The following MGAT5 variants were observed in gnomAD, a reference collection of about 807,000 sequenced individuals.
The protein encoded by MGAT5 is alpha-1,6-mannosylglycoprotein 6-beta-N-acetylglucosaminyltransferase, also known as alpha-1,6-mannosylglycoprotein 6-beta-N-acetylglucosaminyltransferase A.
Under a neutral mutation model 94.3 loss-of-function variants are expected in MGAT5, and 30 were observed. That is an observed-to-expected ratio of 0.32 (90% confidence interval 0.24 to 0.43). The LOEUF (loss-of-function observed/expected upper bound fraction) is 0.43. Ranked by LOEUF, MGAT5 falls within the 20% of genes least tolerant of loss-of-function variation. The probability of loss-of-function intolerance (pLI) is 1.00; values close to 1 mark genes in which losing one functional copy is unlikely to be tolerated. For missense variants in MGAT5, 691 were observed against 905.5 expected (o/e 0.76, Z 3.04); for synonymous variants, 310 against 322.9 (o/e 0.96, Z 0.43).
chr2:134,419,389 C>T (rs552883321), intron 12 of MGAT5, among the ~76,000 whole-genome samples: 8 of 149,340 alleles, frequency 5.4e-5, no homozygotes, highest in South Asian at 4.2e-4. Flanking sequence ...AGTAGGTTCT[C>T]GATCATTTTT....
chr2:134,424,415 T>C (rs1244424670), intron 13 of MGAT5, among the ~76,000 whole-genome samples: 1 of 152,184 alleles, frequency 6.6e-6, no homozygotes, highest in Non-Finnish European at 1.5e-5. Flanking sequence ...CAGCTTCCCA[T>C]TGATGATACA....
intron 1 of MGAT5, among the ~76,000 whole-genome samples, chr2:134,175,876 T>C (rs1252662674): frequency 6.6e-6 from 1 of 152,204 alleles, no homozygotes; most frequent in Non-Finnish European, 1.5e-5. Flanking sequence ...GTGGAGGTGC[T>C]TCCTCAGGTT....
intron 4 of MGAT5, among the ~76,000 whole-genome samples, chr2:134,323,848 A>G (rs1436608147): frequency 6.6e-6 from 1 of 152,138 alleles, no homozygotes; most frequent in Non-Finnish European, 1.5e-5. Context: ...CAAATGATTC[A>G]TTAGGCAGCC....
At chr2:134,378,206 T>C (rs1025715964) in intron 10 of MGAT5, among the ~76,000 whole-genome samples, 2 of 152,144 alleles carry the variant, frequency 1.3e-5, no homozygotes, top group Non-Finnish European at 2.9e-5. Flanking sequence ...TTATATCTGG[T>C]TCCCGGGAAA....
chr2:134,274,923 CATT>C (rs1023654286), intron 2 of MGAT5, among the ~76,000 whole-genome samples: 14 of 152,174 alleles, frequency 9.2e-5, no homozygotes, highest in African/African-American at 3.4e-4. Flanking sequence ...AAACAGCAAC[CATT>C]ATTATTATTC....
Position 134,403,001 on chromosome 2 carries a change from A to G in MGAT5, c.1394A>G (p.Tyr465Cys). Residue 465 changes from tyrosine to cysteine, a missense_variant, in exon 11 of 16, where the codon TAC (tyrosine) becomes TGC (cysteine). Tyr to Cys is a radical substitution (Grantham distance 194). Transcript: ENST00000281923. ...TTTCTTCTTTAGAATAAGAAGATCT[A>G]CTTGGACATTATTCACACATACATG... is the stretch of plus-strand genomic sequence containing the variant. ...VDSFWKNKKI[Y>C]LDIIHTYMEV... The G allele has an allele frequency of 6.3e-7, 1 of 1,595,826 alleles. No individual in the cohort carries two copies. Among genetic ancestry groups the G allele is most frequent in the Non-Finnish European group, 8.5e-7 (1 of 1,175,098 alleles).
intron 4 of MGAT5, among the ~76,000 whole-genome samples, chr2:134,333,308 ATCATT>A (rs1688101816): frequency 6.6e-6 from 1 of 151,686 alleles, no homozygotes; most frequent in African/African-American, 2.4e-5. Context: ...ATTGGAAATC[ATCATT>A]CTCAGTAAAC....
At chr2:134,395,769 A>G (rs1175422261) in intron 10 of MGAT5, among the ~76,000 whole-genome samples, 1 of 152,228 alleles carries the variant, frequency 6.6e-6, no homozygotes, top group Admixed American at 6.5e-5. Context: ...ACCAGAAACC[A>G]AAATTCTCAC....
At chr2:134,428,510 A>G in intron 14 of MGAT5, 71 bp downstream of exon 14, 2 of 1,355,846 alleles carry the variant, frequency 1.5e-6, no homozygotes, top group Middle Eastern at 1.8e-4. Flanking sequence ...GCTCTCAAGA[A>G]CATTTAAGAG....
chr2:134,234,204 G>T (rs955463363), intron 1 of MGAT5, among the ~76,000 whole-genome samples: 1 of 152,132 alleles, frequency 6.6e-6, no homozygotes, highest in South Asian at 2.1e-4. Context: ...GGAAGCCGGG[G>T]ATTGGGGGCA....
chr2:134,396,703 C>T (rs943379634), intron 10 of MGAT5, among the ~76,000 whole-genome samples: 4 of 152,238 alleles, frequency 2.6e-5, no homozygotes, highest in Non-Finnish European at 5.9e-5. Context: ...TGCCTGCCCT[C>T]CTTGTGTTTT....
chr2:134,425,673 G>A (rs1684542285), intron 13 of MGAT5, among the ~76,000 whole-genome samples: 1 of 152,100 alleles, frequency 6.6e-6, no homozygotes, highest in African/African-American at 2.4e-5. Context: ...ACCATGGAGG[G>A]CTTCTCATGG....
At chr2:134,373,984 T>C (rs2106168401) in intron 10 of MGAT5, among the ~76,000 whole-genome samples, 1 of 152,376 alleles carries the variant, frequency 6.6e-6, no homozygotes, top group African/African-American at 2.4e-5. Flanking sequence ...ATGAGTTCTC[T>C]ATGGTCCTTA....
At chr2:134,182,188 A>G (rs1478950787) in intron 1 of MGAT5, among the ~76,000 whole-genome samples, 1 of 152,236 alleles carries the variant, frequency 6.6e-6, no homozygotes, top group Middle Eastern at 3.2e-3. Flanking sequence ...ATTCAAAAGG[A>G]TGTTATGATT....
chr2:134,198,243 C>A (rs1299135599), intron 1 of MGAT5, among the ~76,000 whole-genome samples: 1 of 152,216 alleles, frequency 6.6e-6, no homozygotes, highest in Non-Finnish European at 1.5e-5. Context: ...TTCACCAGCC[C>A]TCAGTTGCCC....
At chr2:134,245,711 G>A (rs557962833) in intron 1 of MGAT5, among the ~76,000 whole-genome samples, 1 of 152,276 alleles carries the variant, frequency 6.6e-6, no homozygotes, top group South Asian at 2.1e-4. Context: ...GAACAGCTGG[G>A]GTAGGTGTGG....
At chr2:134,257,836 CTTTTT>C (rs10628858) in intron 1 of MGAT5, among the ~76,000 whole-genome samples, 4 of 106,414 alleles carry the variant, frequency 3.8e-5, no homozygotes, top group Non-Finnish European at 5.5e-5. Flanking sequence ...TTTGCAGTCT[CTTTTT>C]TTTTTTTTTT....
intron 1 of MGAT5, among the ~76,000 whole-genome samples, chr2:134,152,273 G>C (rs542784302): frequency 8.1e-6 from 1 of 124,014 alleles, no homozygotes; most frequent in East Asian, 2.7e-4. Flanking sequence ...GGGACCTCAC[G>C]CCCTATGGGA....
At chr2:134,249,039 C>T (rs1295715197) in intron 1 of MGAT5, among the ~76,000 whole-genome samples, 2 of 151,864 alleles carry the variant, frequency 1.3e-5, no homozygotes, top group Admixed American at 6.6e-5. Flanking sequence ...GTTATAAGAG[C>T]GGTCATATGT....
Sources: gnomAD v4.1 joint callset for allele counts (sites outside exome capture counted in the v4.1 genomes callset) on GRCh38, gnomAD v4.1.1 for gene constraint, MANE v1.5 for transcripts, NCBI Gene and HGNC (gene_info 2026-07-23, HGNC 2026-07-21) for gene names.